ELAPOR2: variants seen among roughly 807,000 people sequenced by gnomAD.
The protein encoded by ELAPOR2 is endosome-lysosome associated apoptosis and autophagy regulator family member 2, also known as endosome/lysosome-associated apoptosis and autophagy regulator family member 2.
ELAPOR2 carries 89 observed loss-of-function variants against 120.7 expected under a neutral mutation model. The ratio of observed to expected loss-of-function variants is 0.74; its 90% CI spans 0.62 to 0.88. ELAPOR2 has a LOEUF of 0.88. Among genes scored for constraint, ELAPOR2 ranks in the 40% least tolerant of loss-of-function variants. ELAPOR2 has a pLI of 0.00. For synonymous variants in ELAPOR2, 444 were observed against 444.9 expected (o/e 1.00, Z 0.03); for missense variants, 1,134 against 1,251.6 (o/e 0.91, Z 1.42).
intron 1 of ELAPOR2, among the ~76,000 whole-genome samples, chr7:87,056,541 G>A (rs1422674646): frequency 6.6e-6 from 1 of 152,184 alleles, no homozygotes; most frequent in Non-Finnish European, 1.5e-5. Flanking sequence ...TTGTGCGTGT[G>A]CTTCCACACT....
chr7:86,980,514 A>T (rs994399107), intron 1 of ELAPOR2, among the ~76,000 whole-genome samples: 2 of 152,114 alleles, frequency 1.3e-5, no homozygotes, highest in African/African-American at 4.8e-5. Flanking sequence ...CCTCATGACA[A>T]TTCTAAAATT....
chr7:86,885,239 CA>C (rs1799631828), intron 21 of ELAPOR2, among the ~76,000 whole-genome samples: 1 of 152,066 alleles, frequency 6.6e-6, no homozygotes, highest in South Asian at 2.1e-4. Flanking sequence ...AAGTACAAAT[CA>C]ACAAAAGGAC....
intron 11 of ELAPOR2, 130 bp downstream of exon 11, chr7:86,919,090 T>C (rs1789699835): frequency 1.7e-6 from 1 of 596,990 alleles, no homozygotes; most frequent in African/African-American, 1.9e-5. Context: ...CATTACCCTG[T>C]GACAGCTTGT....
chr7:86,957,499 T>G (rs898477267), intron 2 of ELAPOR2, among the ~76,000 whole-genome samples: 1 of 152,182 alleles, frequency 6.6e-6, no homozygotes, highest in Non-Finnish European at 1.5e-5. Context: ...AGAAATTCTA[T>G]AGTTGAAAAA....
At position 86,897,485 on chromosome 7, in the gene ELAPOR2, C is replaced by T. The variant is rs749008745; in HGVS notation, c.2685+21G>A. On this transcript the variant is annotated intron_variant, in intron 19 of 21. Transcript: ENST00000450689. Reference sequence around the variant, plus strand: ...AACCAACTATAATGCCGAAGCTCTGCCTTGAGAGTTTATCCCTTACCTGAA... The same window carrying T: ...AACCAACTATAATGCCGAAGCTCTGTCTTGAGAGTTTATCCCTTACCTGAA... 15 of 1,608,840 alleles carry T rather than the reference C, an allele frequency of 9.3e-6. No homozygotes were observed. The South Asian group carries it at 1.2e-4, about 13-fold the overall frequency.
rs1297223878 is a variant in ELAPOR2 at position 86,925,601 on chromosome 7, C to T, written c.1326G>A (p.Trp442Ter). The T allele has an allele frequency of 6.2e-7, 1 of 1,612,038 alleles. No homozygotes were observed. The highest frequency in any genetic ancestry group is 1.7e-5 in the Admixed American group (1 of 59,852). ...TEPALGFEYKWWNVLPGNMKT... is the reference protein window; with the variant it reads ...TEPALGFEYK ...TCATGTTGCCAGGAAGGACATTCCACCATTTATATTCAAAGCCAAGTGCAG... is the reference window on the plus strand; with the variant it reads ...TCATGTTGCCAGGAAGGACATTCCATCATTTATATTCAAAGCCAAGTGCAG... Residue 442 changes from tryptophan (W) to a stop codon, truncating the protein, a stop_gained, in exon 10 of 22, where the codon TGG (tryptophan) becomes TGA (stop). Transcript: ENST00000450689. LOFTEE classifies it high-confidence loss of function.
At chr7:87,013,137 T>C (rs1456271922) in intron 1 of ELAPOR2, among the ~76,000 whole-genome samples, 1 of 152,172 alleles carries the variant, frequency 6.6e-6, no homozygotes, top group Admixed American at 6.6e-5. Context: ...CAAGAATATA[T>C]GCAAAAATGG....
intron 1 of ELAPOR2, among the ~76,000 whole-genome samples, chr7:87,034,345 T>G (rs1247866614): frequency 6.6e-6 from 1 of 152,156 alleles, no homozygotes; most frequent in East Asian, 1.9e-4. Context: ...GCTATTGTTA[T>G]TATTTATTAT....
intron 4 of ELAPOR2, 94 bp from the exon 5 acceptor site, chr7:86,942,198 A>G (rs941343882): frequency 1.5e-5 from 10 of 679,280 alleles, no homozygotes; most frequent in Non-Finnish European, 2.6e-5. Context: ...ACCTCGTTCA[A>G]TACCTTCTAA....
chr7:86,964,390 A>T (rs1791829785), intron 2 of ELAPOR2, among the ~76,000 whole-genome samples: 1 of 152,224 alleles, frequency 6.6e-6, no homozygotes, highest in Non-Finnish European at 1.5e-5. Context: ...ATATCCAGCA[A>T]TTCTATAATC....
rs1562958916 is a variant in ELAPOR2, at chr7:86,991,240, T to TGATGTATCAGGTGAC, written c.190-26217_190-26216insGTCACCTGATACATC. ...CTTTGTGGGTGACCATATCAGGTGA[T>TGATGTATCAGGTGAC]TGATGTATCAGGTGAATGTTGATGA... On this transcript the variant is annotated intron_variant, in intron 1 of 21. Coordinates refer to ENST00000450689, the MANE Select transcript of ELAPOR2 (RefSeq NM_001142749.3). 5.9e-5 allele frequency among the ~76,000 whole-genome samples: 9 copies of TGATGTATCAGGTGAC among 152,120 alleles called. 1 individual carries two copies. Among genetic ancestry groups the TGATGTATCAGGTGAC allele is most frequent in the African/African-American group, 1.9e-4 (8 of 41,488 alleles).
At position 86,956,225 on chromosome 7, in the gene ELAPOR2, G is replaced by T. The variant is rs765598145; in HGVS notation, c.311-8303C>A. 8.8e-4 allele frequency among the ~76,000 whole-genome samples: 134 copies of T among 152,112 alleles called. 1 individual carries two copies. Among genetic ancestry groups the T allele is most frequent in the Admixed American group, 8.5e-4 (13 of 15,270 alleles). ...TTGGCGGTGAAGTTGTAGGACACAT[G>T]GATATACTTTGTAAGTTACTTGTGA... On this transcript the variant is annotated intron_variant, in intron 2 of 21. Transcript: ENST00000450689.
intron 1 of ELAPOR2, among the ~76,000 whole-genome samples, chr7:87,052,511 G>A (rs986487813): frequency 3.9e-4 from 59 of 152,254 alleles, no homozygotes; most frequent in African/African-American, 1.4e-3. Flanking sequence ...TCTTTATACT[G>A]AGCGCAATGG....
At chr7:87,012,018 TTAA>T (rs1793698650) in intron 1 of ELAPOR2, among the ~76,000 whole-genome samples, 1 of 152,194 alleles carries the variant, frequency 6.6e-6, no homozygotes, top group Admixed American at 6.5e-5. Flanking sequence ...TATAAAAATA[TTAA>T]TGAGAAACTA....
At chr7:86,965,095 C>A in intron 1 of ELAPOR2, 71 bp from the exon 2 acceptor site, 1 of 1,495,398 alleles carries the variant, frequency 6.7e-7, no homozygotes, top group East Asian at 2.5e-5. Flanking sequence ...TTCTCTATCA[C>A]CCCAAGCCCC....
At chr7:86,980,118 G>A (rs1180677745) in intron 1 of ELAPOR2, among the ~76,000 whole-genome samples, 20 of 152,156 alleles carry the variant, frequency 1.3e-4, no homozygotes, top group Non-Finnish European at 8.8e-5. Flanking sequence ...ACTATTGTCG[G>A]TTGGAAAAAA....
intron 2 of ELAPOR2, among the ~76,000 whole-genome samples, chr7:86,963,693 G>A (rs1218776896): frequency 6.6e-6 from 1 of 152,146 alleles, no homozygotes; most frequent in African/African-American, 2.4e-5. Flanking sequence ...TTTACAGTGG[G>A]CTAATTACAT....
At chr7:86,881,484 G>A (rs754258581) in intron 21 of ELAPOR2, among the ~76,000 whole-genome samples, 2 of 151,576 alleles carry the variant, frequency 1.3e-5, no homozygotes, top group Non-Finnish European at 1.5e-5. Flanking sequence ...ACCCTCCTGA[G>A]TAGCTGGGAT....
At chr7:86,909,481 G>A (rs1169393258) in intron 16 of ELAPOR2, among the ~76,000 whole-genome samples, 2 of 152,210 alleles carry the variant, frequency 1.3e-5, no homozygotes, top group South Asian at 2.1e-4. Flanking sequence ...TTTAGGTGTA[G>A]TTGTGTTTGT....
Sources: gnomAD v4.1 joint callset for allele counts (sites outside exome capture counted in the v4.1 genomes callset) on GRCh38, gnomAD v4.1.1 for gene constraint, MANE v1.5 for transcripts, NCBI Gene and HGNC (gene_info 2026-07-23, HGNC 2026-07-21) for gene names.